IMMP2L: variants seen among roughly 807,000 people sequenced by gnomAD.
The protein encoded by IMMP2L is inner mitochondrial membrane peptidase subunit 2, also known as mitochondrial inner membrane protease subunit 2.
IMMP2L carries 18 observed loss-of-function variants against 19.3 expected under a neutral mutation model. The ratio of observed to expected loss-of-function variants is 0.93; its 90% CI spans 0.64 to 1.38. The LOEUF is 1.38. Among genes scored for constraint, IMMP2L ranks in the 40% most tolerant of loss-of-function variants. The pLI, the probability that IMMP2L is intolerant of heterozygous loss-of-function variation, is 0.00. For synonymous variants in IMMP2L, 76 were observed against 73.0 expected, an observed-to-expected ratio of 1.04 and a Z score of -0.21; for missense variants, 233 against 218.2, an observed-to-expected ratio of 1.07 and a Z score of -0.43.
chr7:111,533,946 C>T (rs1344365712), intron 1 of IMMP2L, among the ~76,000 whole-genome samples: 1 of 151,786 alleles, frequency 6.6e-6, no homozygotes, highest in East Asian at 1.9e-4. Flanking sequence ...TAAAATTACA[C>T]AATTCTTATA....
chr7:111,068,971 C>T (rs1794735804), intron 3 of IMMP2L, among the ~76,000 whole-genome samples: 1 of 152,120 alleles, frequency 6.6e-6, no homozygotes, highest in Non-Finnish European at 1.5e-5. Context: ...TTGAGAGAGT[C>T]GCTTTTTACT....
intron 3 of IMMP2L, among the ~76,000 whole-genome samples, chr7:111,208,050 C>T (rs1253340228): frequency 6.6e-6 from 1 of 152,128 alleles, no homozygotes; most frequent in East Asian, 1.9e-4. Context: ...CTATTATTAG[C>T]TTCCAGGATT....
At chr7:111,463,110 G>A (rs1840287613) in intron 3 of IMMP2L, among the ~76,000 whole-genome samples, 1 of 152,002 alleles carries the variant, frequency 6.6e-6, no homozygotes, top group Non-Finnish European at 1.5e-5. Context: ...CTAGTTTCTG[G>A]CAGCCTCAGG....
At chr7:110,957,930 T>A (rs1435561847) in intron 4 of IMMP2L, among the ~76,000 whole-genome samples, 1 of 151,978 alleles carries the variant, frequency 6.6e-6, no homozygotes, top group Non-Finnish European at 1.5e-5. Flanking sequence ...TGTTATATAT[T>A]TGTTTATTGT....
chr7:110,817,982 A>T (rs1802684215), intron 5 of IMMP2L, among the ~76,000 whole-genome samples: 1 of 152,156 alleles, frequency 6.6e-6, no homozygotes. Flanking sequence ...TTAAAGACTT[A>T]CATGTTAGAC....
chr7:111,415,537 C>T (rs773421482), intron 3 of IMMP2L, among the ~76,000 whole-genome samples: 3 of 151,734 alleles, frequency 2.0e-5, no homozygotes, highest in African/African-American at 4.9e-5. Flanking sequence ...AAATCACCAA[C>T]GTCAACAAAA....
intron 2 of IMMP2L, among the ~76,000 whole-genome samples, chr7:111,487,692 C>A (rs748746703): frequency 2.6e-5 from 4 of 152,124 alleles, no homozygotes; most frequent in Non-Finnish European, 5.9e-5. Context: ...CAGATAGGAT[C>A]TAATTCCACA....
intron 3 of IMMP2L, among the ~76,000 whole-genome samples, chr7:111,183,905 A>C (rs886662048): frequency 6.6e-6 from 1 of 152,016 alleles, no homozygotes; most frequent in Non-Finnish European, 1.5e-5. Flanking sequence ...CAGTTGTGCC[A>C]GTTGTTAGGT....
intron 4 of IMMP2L, among the ~76,000 whole-genome samples, chr7:110,960,000 T>C (rs1818765056): frequency 1.3e-5 from 2 of 152,122 alleles, no homozygotes; most frequent in Admixed American, 6.6e-5. Context: ...TGATCAAGCA[T>C]TGCAGTTTCA....
intron 5 of IMMP2L, among the ~76,000 whole-genome samples, chr7:110,813,548 C>A (rs921074228): frequency 1.3e-5 from 2 of 151,754 alleles, no homozygotes; most frequent in African/African-American, 4.8e-5. Flanking sequence ...CCACTTCAGA[C>A]TCCTGAGTAG....
intron 3 of IMMP2L, among the ~76,000 whole-genome samples, chr7:111,308,157 C>T (rs1823090418): frequency 6.6e-6 from 1 of 151,788 alleles, no homozygotes; most frequent in South Asian, 2.1e-4. Context: ...AAATCCCAGG[C>T]TAAAAAGTAA....
At chr7:110,848,044 G>T (rs1805837580) in intron 5 of IMMP2L, among the ~76,000 whole-genome samples, 1 of 152,094 alleles carries the variant, frequency 6.6e-6, no homozygotes. Flanking sequence ...ACCCATGAAA[G>T]AAATAATTGA....
chr7:111,095,901 C>T (rs1162186977), intron 3 of IMMP2L, among the ~76,000 whole-genome samples: 1 of 151,882 alleles, frequency 6.6e-6, no homozygotes, highest in Non-Finnish European at 1.5e-5. Context: ...CTCTCCCTCC[C>T]CTACCCCATC....
At chr7:111,081,113 G>C (rs1251262711) in intron 3 of IMMP2L, among the ~76,000 whole-genome samples, 1 of 152,046 alleles carries the variant, frequency 6.6e-6, no homozygotes, top group East Asian at 1.9e-4. Flanking sequence ...TTCAAATTTA[G>C]GGCCTTTTTA....
intron 3 of IMMP2L, among the ~76,000 whole-genome samples, chr7:110,984,987 AAG>A (rs1327159782): frequency 6.6e-6 from 1 of 152,130 alleles, no homozygotes; most frequent in Non-Finnish European, 1.5e-5. Flanking sequence ...TAAAAGGGGA[AAG>A]AGGTGGCAGA....
chr7:110,948,615 A>T (rs1287890538), intron 4 of IMMP2L, among the ~76,000 whole-genome samples: 2 of 152,202 alleles, frequency 1.3e-5, no homozygotes, highest in Non-Finnish European at 2.9e-5. Flanking sequence ...GAAATTTAGT[A>T]TTCTTTTTTG....
At position 111,439,994 on chromosome 7, in the gene IMMP2L, C is replaced by T. The variant is rs900876668; in HGVS notation, c.239+47244G>A. On this transcript the variant is annotated intron_variant, in intron 3 of 5. Coordinates refer to ENST00000405709, the MANE Select transcript of IMMP2L (RefSeq NM_032549.4). ...TTTCTTTGCTGATCCATAAGAAGCACCTCCTCATCCGTTCAAGATTTATCA... is the reference window on the plus strand; with the variant it reads ...TTTCTTTGCTGATCCATAAGAAGCATCTCCTCATCCGTTCAAGATTTATCA... Among the ~76,000 whole-genome samples the T allele has an allele frequency of 9.2e-5, 14 of 152,008 alleles. No homozygotes were observed. In the South Asian group the frequency reaches 2.3e-3, roughly 25 times the overall value.
At chr7:111,360,829 G>A (rs913148197) in intron 3 of IMMP2L, among the ~76,000 whole-genome samples, 15 of 151,936 alleles carry the variant, frequency 9.9e-5, no homozygotes, top group Non-Finnish European at 1.8e-4. Flanking sequence ...AAAAAACAAA[G>A]AACAAAGCAA....
rs1388342335 is a variant in IMMP2L, at chr7:110,886,671, A to C, written c.330T>G (p.Tyr110Ter). The C allele has an allele frequency of 2.5e-6, 4 of 1,600,378 alleles. No homozygotes were observed. The highest frequency in any genetic ancestry group is 3.4e-6 in the Non-Finnish European group (4 of 1,167,754). Reference sequence around the variant, plus strand: ...AGATGTGACCACGGGGGACTTTGACATACCGGTTTTTGTGTCCTATGGTTC... The same window carrying C: ...AGATGTGACCACGGGGGACTTTGACCTACCGGTTTTTGTGTCCTATGGTTC... ...IVRTIGHKNR[Y>*]VKVPRGHIWV... The change falls in exon 5 of 6, where the codon TAT becomes TAG. Residue 110 changes from tyrosine (Y) to a stop codon, truncating the protein, a stop_gained. Transcript: ENST00000405709. LOFTEE classifies it high-confidence loss of function.
Sources: gnomAD v4.1 joint callset for allele counts (sites outside exome capture counted in the v4.1 genomes callset) on GRCh38, gnomAD v4.1.1 for gene constraint, MANE v1.5 for transcripts, NCBI Gene and HGNC (gene_info 2026-07-23, HGNC 2026-07-21) for gene names.